Variants in PDE3A observed in about 807,000 individuals in gnomAD.
PDE3A encodes cGMP-inhibited 3',5'-cyclic phosphodiesterase 3A.
Under a neutral mutation model 98.3 loss-of-function variants are expected in PDE3A, and 43 were observed. The observed-to-expected ratio is 0.44, with a 90% CI of 0.34 to 0.56. The LOEUF (loss-of-function observed/expected upper bound fraction) is 0.56. PDE3A is among the 20% of genes least tolerant of loss of function. The probability of loss-of-function intolerance (pLI) is 0.01; values close to 1 mark genes in which losing one functional copy is unlikely to be tolerated. For synonymous variants in PDE3A, 663 were observed against 567.9 expected, an observed-to-expected ratio of 1.17 and a Z score of -2.38; for missense variants, 1,427 against 1,440.7, an observed-to-expected ratio of 0.99 and a Z score of 0.15.
At chr12:20,590,231 T>A (rs75353034) in intron 2 of PDE3A, among the ~76,000 whole-genome samples, 184 of 151,996 alleles carry the variant, frequency 1.2e-3, no homozygotes, top group Non-Finnish European at 2.3e-3. Flanking sequence ...CATTCTGATT[T>A]CTCTTTCTGA....
At chr12:20,567,571 A>T (rs1170714711) in intron 2 of PDE3A, among the ~76,000 whole-genome samples, 1 of 151,942 alleles carries the variant, frequency 6.6e-6, no homozygotes, top group African/African-American at 2.4e-5. Context: ...TGACTTTTTC[A>T]TACAGGAACA....
At position 20,680,530 on chromosome 12, in the gene PDE3A, A is replaced by G. The variant is rs894515316; in HGVS notation, c.*259A>G. ...AGGGAATATATATGTGTGTGTGTAT[A>G]TAAGCTCCCACATAGATACATGTAA... is the stretch of plus-strand genomic sequence containing the variant. On this transcript the variant is annotated 3_prime_UTR_variant, in exon 16 of 16. Coordinates refer to ENST00000359062, the MANE Select transcript of PDE3A (RefSeq NM_000921.5). 5 of 401,364 alleles carry G rather than the reference A, an allele frequency of 1.2e-5. No individual in the cohort carries two copies. The highest frequency in any genetic ancestry group is 2.3e-5 in the Non-Finnish European group (5 of 219,448). The allele number at this position is 401,364 out of a possible 1,614,324, so 24.9% of individuals were successfully genotyped here.
chr12:20,672,225 A>G (rs1945502180), intron 15 of PDE3A, among the ~76,000 whole-genome samples: 1 of 148,596 alleles, frequency 6.7e-6, no homozygotes, highest in African/African-American at 2.5e-5. Context: ...AGAACATTCC[A>G]TGCTCATGGG....
At chr12:20,527,694 G>T (rs1365347377) in intron 1 of PDE3A, among the ~76,000 whole-genome samples, 2 of 152,132 alleles carry the variant, frequency 1.3e-5, no homozygotes, top group Admixed American at 6.5e-5. Context: ...CAGACATATG[G>T]CAGCAAGGAT....
intron 2 of PDE3A, among the ~76,000 whole-genome samples, chr12:20,585,143 C>G (rs1187932105): frequency 6.6e-6 from 1 of 152,130 alleles, no homozygotes; most frequent in African/African-American, 2.4e-5. Flanking sequence ...CCGTGCACAG[C>G]TCATAAAAAA....
chr12:20,581,882 A>C (rs1173715060), intron 2 of PDE3A, among the ~76,000 whole-genome samples: 4 of 152,126 alleles, frequency 2.6e-5, no homozygotes, highest in Admixed American at 2.6e-4. Flanking sequence ...AAAGTGGTAC[A>C]TAGATTTCTA....
At position 20,383,392 on chromosome 12, in the gene PDE3A, T is replaced by C. The variant is rs576952725; in HGVS notation, c.960+13148T>C. Reference sequence around the variant, plus strand: ...TCAAATGACAGGGACTTTCTGCTTATTAACTGTATAATACAGCTAAGCCCT... The same window carrying C: ...TCAAATGACAGGGACTTTCTGCTTACTAACTGTATAATACAGCTAAGCCCT... On this transcript the variant is annotated intron_variant, in intron 1 of 15. Coordinates refer to ENST00000359062, the MANE Select transcript of PDE3A (RefSeq NM_000921.5). Among the ~76,000 whole-genome samples the C allele has an allele frequency of 3.3e-5, 5 of 152,092 alleles. No individual in the cohort carries two copies. The East Asian group carries it at 5.8e-4, about 18-fold the overall frequency.
chr12:20,629,365 G>A (rs1217611329), intron 5 of PDE3A, among the ~76,000 whole-genome samples: 1 of 152,092 alleles, frequency 6.6e-6, no homozygotes, highest in Non-Finnish European at 1.5e-5. Flanking sequence ...CTTTCACACC[G>A]AAAGGTCTTA....
chr12:20,558,579 A>T (rs1942429493), intron 2 of PDE3A, among the ~76,000 whole-genome samples: 2 of 151,990 alleles, frequency 1.3e-5, no homozygotes, highest in South Asian at 4.2e-4. Flanking sequence ...AATAAGAACC[A>T]TAGCAAAAAA....
At chr12:20,566,853 T>G (rs1333769597) in intron 2 of PDE3A, among the ~76,000 whole-genome samples, 1 of 151,968 alleles carries the variant, frequency 6.6e-6, no homozygotes, top group Non-Finnish European at 1.5e-5. Flanking sequence ...CGACAGGTCT[T>G]AACTCCACTT....
chr12:20,444,716 C>T (rs1944926297), intron 1 of PDE3A, among the ~76,000 whole-genome samples: 1 of 152,140 alleles, frequency 6.6e-6, no homozygotes, highest in Admixed American at 6.5e-5. Flanking sequence ...ATAGGTCAGG[C>T]TGTGGAAGGA....
intron 2 of PDE3A, among the ~76,000 whole-genome samples, chr12:20,603,215 C>T (rs967165514): frequency 5.3e-5 from 8 of 152,188 alleles, no homozygotes; most frequent in Non-Finnish European, 1.2e-4. Context: ...TTATTCGTCT[C>T]TTATCCCAAC....
intron 15 of PDE3A, among the ~76,000 whole-genome samples, chr12:20,669,904 C>A (rs1945425486): frequency 1.3e-5 from 2 of 151,930 alleles, no homozygotes; most frequent in Admixed American, 1.3e-4. Flanking sequence ...CACAGACTGG[C>A]AAATTGGATA....
At chr12:20,375,699 A>G (rs368471642) in intron 1 of PDE3A, among the ~76,000 whole-genome samples, 212 of 152,088 alleles carry the variant, frequency 1.4e-3, no homozygotes, top group African/African-American at 4.9e-3. Flanking sequence ...CAAAAATAAT[A>G]TACAGATAGA....
At chr12:20,648,934 T>TC in intron 13 of PDE3A, 43 bp downstream of exon 13, 2 of 1,293,996 alleles carry the variant, frequency 1.5e-6, no homozygotes, top group East Asian at 2.4e-5. Flanking sequence ...TTTCTTTTTT[T>TC]TTTTTTTTTG....
At position 20,599,542 on chromosome 12, in the gene PDE3A, G is replaced by A. The variant is rs558694293; in HGVS notation, c.1012-13901G>A. ...ATTCACAGTGTAAATAAAAGTCAAC[G>A]TATAAAAATTTGTTTAACTTCTCAC... On this transcript the variant is annotated intron_variant, in intron 2 of 15. Coordinates refer to ENST00000359062, the MANE Select transcript of PDE3A (RefSeq NM_000921.5). 1.4e-4 allele frequency among the ~76,000 whole-genome samples: 22 copies of A among 152,242 alleles called. No individual in the cohort carries two copies. In the South Asian group the frequency reaches 4.6e-3, roughly 32 times the overall value.
chr12:20,398,606 G>A (rs1944064599), intron 1 of PDE3A, among the ~76,000 whole-genome samples: 1 of 151,966 alleles, frequency 6.6e-6, no homozygotes, highest in African/African-American at 2.4e-5. Context: ...CTTTACTCTA[G>A]TGGCCTTCAT....
chr12:20,669,962 G>A (rs572109628), intron 15 of PDE3A, among the ~76,000 whole-genome samples: 36 of 152,082 alleles, frequency 2.4e-4, no homozygotes, highest in East Asian at 2.3e-3. Context: ...CCCATCTCAC[G>A]TGCAGACACA....
intron 2 of PDE3A, among the ~76,000 whole-genome samples, chr12:20,574,009 G>T (rs570437753): frequency 6.6e-6 from 1 of 152,190 alleles, no homozygotes; most frequent in East Asian, 1.9e-4. Context: ...ATGTAAATTA[G>T]ATTTATTATG....
Sources: allele counts gnomAD v4.1 joint callset (sites outside exome capture counted in the v4.1 genomes callset), GRCh38; gene constraint gnomAD v4.1.1; transcripts MANE v1.5; gene names NCBI Gene and HGNC (gene_info 2026-07-23, HGNC 2026-07-21).